Variants in MALRD1 observed in about 807,000 individuals in gnomAD.
MALRD1 encodes the protein MAM and LDL-receptor class A domain-containing protein 1.
A neutral mutation model predicts 242.1 loss-of-function variants in MALRD1; 247 were observed. The ratio of observed to expected loss-of-function variants is 1.02; its 90% CI spans 0.92 to 1.13. The LOEUF is 1.13. Among genes scored for constraint, MALRD1 ranks in the 50% most tolerant of loss-of-function variants. The pLI is 0.00. For missense variants in MALRD1, 2,989 were observed against 2,533.1 expected (o/e 1.18, Z -3.86); for synonymous variants, 995 against 866.6 (o/e 1.15, Z -2.60).
At chr10:19,435,242 T>A (rs1434826077) in intron 28 of MALRD1, among the ~76,000 whole-genome samples, 1 of 151,918 alleles carries the variant, frequency 6.6e-6, no homozygotes, top group Non-Finnish European at 1.5e-5. Context: ...CAGATTGAGG[T>A]AATTATTGCA....
At chr10:19,210,865 C>T (rs1176332498) in intron 18 of MALRD1, among the ~76,000 whole-genome samples, 2 of 152,060 alleles carry the variant, frequency 1.3e-5, no homozygotes, top group South Asian at 4.1e-4. Flanking sequence ...GAGAATGAAT[C>T]CCCCATTTAT....
chr10:19,557,400 C>T (rs1036208239), intron 32 of MALRD1, among the ~76,000 whole-genome samples: 1 of 152,052 alleles, frequency 6.6e-6, no homozygotes, highest in Non-Finnish European at 1.5e-5. Context: ...TTATCTTCTA[C>T]AAGTTTTATA....
chr10:19,417,282 A>G (rs991484056), intron 28 of MALRD1, among the ~76,000 whole-genome samples: 1 of 152,144 alleles, frequency 6.6e-6, no homozygotes, highest in Non-Finnish European at 1.5e-5. Context: ...TGCCTAATCA[A>G]TTGGATTTAC....
At chr10:19,688,099 C>T (rs1028212223) in intron 36 of MALRD1, among the ~76,000 whole-genome samples, 4 of 151,866 alleles carry the variant, frequency 2.6e-5, no homozygotes, top group South Asian at 2.1e-4. Flanking sequence ...CCTCCCACGT[C>T]GCTGGGATTA....
intron 38 of MALRD1, among the ~76,000 whole-genome samples, chr10:19,717,132 G>T (rs188233648): frequency 3.2e-4 from 48 of 152,182 alleles, no homozygotes; most frequent in Admixed American, 1.6e-3. Flanking sequence ...CTAGTGTAAA[G>T]AACCATAGTT....
chr10:19,253,377 A>G (rs1406688115), intron 18 of MALRD1, among the ~76,000 whole-genome samples: 1 of 152,036 alleles, frequency 6.6e-6, no homozygotes. Context: ...CAATAAGTAT[A>G]GAATAAATGC....
intron 18 of MALRD1, among the ~76,000 whole-genome samples, chr10:19,222,677 C>A (rs887042220): frequency 2.0e-5 from 3 of 152,106 alleles, no homozygotes; most frequent in African/African-American, 7.2e-5. Context: ...CTAGCAGTGA[C>A]CTCTGAAATG....
At chr10:19,513,317 C>A (rs1833485529) in intron 31 of MALRD1, among the ~76,000 whole-genome samples, 1 of 152,118 alleles carries the variant, frequency 6.6e-6, no homozygotes, top group African/African-American at 2.4e-5. Flanking sequence ...TAACAGGTTC[C>A]CTTTTTCCTT....
chr10:19,472,953 A>G (rs1259619444), intron 29 of MALRD1, among the ~76,000 whole-genome samples: 1 of 151,186 alleles, frequency 6.6e-6, no homozygotes, highest in Non-Finnish European at 1.5e-5. Context: ...TTTATCTCAT[A>G]TCCTTCGCAT....
chr10:19,703,784 A>T (rs1833727448), intron 38 of MALRD1, among the ~76,000 whole-genome samples: 1 of 152,132 alleles, frequency 6.6e-6, no homozygotes, highest in South Asian at 2.1e-4. Flanking sequence ...AATCCCAGCT[A>T]CTCAGAGGGC....
intron 28 of MALRD1, among the ~76,000 whole-genome samples, chr10:19,442,467 G>C (rs1158529810): frequency 2.0e-5 from 3 of 152,124 alleles, no homozygotes; most frequent in Non-Finnish European, 4.4e-5. Context: ...GTTATAAACA[G>C]CTCTTATTAT....
intron 29 of MALRD1, among the ~76,000 whole-genome samples, chr10:19,479,029 T>A (rs1189590093): frequency 6.6e-6 from 1 of 152,216 alleles, no homozygotes. Flanking sequence ...AGCCACCTAT[T>A]CTCACTGCAA....
At chr10:19,602,544 C>T (rs560952964) in intron 34 of MALRD1, among the ~76,000 whole-genome samples, 3 of 152,002 alleles carry the variant, frequency 2.0e-5, no homozygotes, top group Non-Finnish European at 2.9e-5. Flanking sequence ...TTTACGGCTG[C>T]ATAGTGTTCC....
intron 29 of MALRD1, among the ~76,000 whole-genome samples, chr10:19,458,771 C>A (rs902368722): frequency 6.6e-6 from 1 of 152,086 alleles, no homozygotes; most frequent in Admixed American, 6.6e-5. Context: ...CTCATCAGGT[C>A]TCCCTTGCAT....
intron 36 of MALRD1, among the ~76,000 whole-genome samples, chr10:19,672,403 A>G (rs909235398): frequency 1.4e-5 from 2 of 147,678 alleles, no homozygotes; most frequent in African/African-American, 5.1e-5. Flanking sequence ...TGCAACAGAG[A>G]TATATAGCTT....
chr10:19,596,408 G>A (rs1167763016), intron 34 of MALRD1, among the ~76,000 whole-genome samples: 1 of 152,000 alleles, frequency 6.6e-6, no homozygotes, highest in African/African-American at 2.4e-5. Flanking sequence ...ATAGTAAAAG[G>A]CAGTTTGAAA....
intron 21 of MALRD1, among the ~76,000 whole-genome samples, chr10:19,302,917 A>G (rs1489590607): frequency 6.6e-6 from 1 of 151,806 alleles, no homozygotes; most frequent in African/African-American, 2.4e-5. Flanking sequence ...TAAAATAGAA[A>G]AGTAAAGCAA....
At chr10:19,428,118 G>A (rs74118945) in intron 28 of MALRD1, among the ~76,000 whole-genome samples, 1,761 of 151,884 alleles carry the variant, frequency 0.012, 44 homozygotes, top group African/African-American at 0.039. Flanking sequence ...ACTTTCCTCT[G>A]CTGCCTTAGT....
rs142665912 is a variant in MALRD1 at position 19,195,256 on chromosome 10, T to C, written c.1952-8472T>C. The stretch of plus-strand genomic sequence containing the variant: ...TATTTGCAGGTAACCACATTTTCCA[T>C]TTCCTGAAAACATTTTATTCACTTG... On this transcript the variant is annotated intron_variant, in intron 14 of 39. Transcript: ENST00000454679. Among the ~76,000 whole-genome samples the C allele has an allele frequency of 1.1e-3, 162 of 152,326 alleles. 1 individual carries two copies. The highest frequency in any genetic ancestry group is 3.8e-3 in the African/African-American group (156 of 41,574).
Sources: allele counts gnomAD v4.1 joint callset (sites outside exome capture counted in the v4.1 genomes callset), GRCh38; gene constraint gnomAD v4.1.1; transcripts MANE v1.5; gene names NCBI Gene and HGNC (gene_info 2026-07-23, HGNC 2026-07-21).